Variants in PRKD1 observed in about 807,000 individuals in gnomAD.
PRKD1 encodes the protein serine/threonine-protein kinase D1.
In PRKD1, 63 loss-of-function variants were observed where a neutral mutation model predicts 95.9. The observed-to-expected ratio is 0.66, with a 90% CI of 0.54 to 0.81. The LOEUF (loss-of-function observed/expected upper bound fraction) is 0.81. PRKD1 is among the 30% of genes least tolerant of loss of function. PRKD1 has a pLI of 0.00. For missense variants in PRKD1, 1,048 were observed against 1,165.3 expected, an observed-to-expected ratio of 0.90 and a Z score of 1.47; for synonymous variants, 425 against 423.1, an observed-to-expected ratio of 1.00 and a Z score of -0.05.
intron 4 of PRKD1, among the ~76,000 whole-genome samples, chr14:29,645,573 C>A (rs1453692860): frequency 6.6e-6 from 1 of 152,080 alleles, no homozygotes; most frequent in South Asian, 2.1e-4. Context: ...TCTCCTATTG[C>A]CATCGAGATG....
At chr14:29,888,319 GA>G (rs2139408013) in intron 1 of PRKD1, among the ~76,000 whole-genome samples, 1 of 149,894 alleles carries the variant, frequency 6.7e-6, no homozygotes, top group African/African-American at 2.5e-5. Flanking sequence ...GGAAAGAAAA[GA>G]AAGAAAAGAA....
chr14:29,739,137 A>C (rs1412708449), intron 1 of PRKD1, among the ~76,000 whole-genome samples: 1 of 152,132 alleles, frequency 6.6e-6, no homozygotes, highest in Non-Finnish European at 1.5e-5. Flanking sequence ...TGTGGCCCCA[A>C]TGCTTCTTTT....
At position 29,637,239 on chromosome 14, in the gene PRKD1, T is replaced by C. The variant is rs538120382; in HGVS notation, c.986-745A>G. Among the ~76,000 whole-genome samples the C allele has an allele frequency of 7.9e-4, 120 of 152,340 alleles. 1 individual carries two copies. The highest frequency in any genetic ancestry group is 2.7e-3 in the African/African-American group (113 of 41,572). On this transcript the variant is annotated intron_variant, in intron 6 of 17. Transcript: ENST00000331968. The stretch of plus-strand genomic sequence containing the variant: ...AGATTCAAGCCACTGATTCTTACTA[T>C]TGGAGTAACTTTGAAAATCACGAAT...
At position 29,624,232 on chromosome 14, in the gene PRKD1, C is replaced by T; in HGVS notation, c.1825G>A (p.Val609Ile). Residue 609 changes from valine (V) to isoleucine (I), a missense_variant, in exon 13 of 18, where the codon GTA (valine) becomes ATA (isoleucine). This residue lies in a region of PRKD1 where 739 missense variants were observed against 861.9 expected (regional missense o/e 0.86). Transcript: ENST00000331968. The part of the protein sequence containing the change: ...GGKHRKTGRD[V>I]AIKIIDKLRF... ...AATTTGTCAATGATTTTAATAGCTA[C>T]ATCTCTTCCTGTTTTACGATGTTTT... The T allele has an allele frequency of 1.2e-6, 2 of 1,602,344 alleles. No homozygotes were observed. The highest frequency in any genetic ancestry group is 1.7e-6 in the Non-Finnish European group (2 of 1,174,160).
At chr14:29,645,611 T>G (rs1338789199) in intron 4 of PRKD1, among the ~76,000 whole-genome samples, 1 of 152,158 alleles carries the variant, frequency 6.6e-6, no homozygotes, top group African/African-American at 2.4e-5. Flanking sequence ...AAGTGTTTCC[T>G]GGGGCAAATT....
At chr14:29,707,076 T>C (rs1418838023) in intron 2 of PRKD1, among the ~76,000 whole-genome samples, 4 of 151,788 alleles carry the variant, frequency 2.6e-5, no homozygotes, top group African/African-American at 4.8e-5. Flanking sequence ...TAGAATCGGG[T>C]AGAGTAGGGA....
intron 13 of PRKD1, among the ~76,000 whole-genome samples, chr14:29,609,711 T>TGTC: frequency 3.2e-5 from 1 of 31,042 alleles, no homozygotes; most frequent in Non-Finnish European, 1.1e-4. Flanking sequence ...CAGCTATTTC[T>TGTC]TTATTTTTTT....
intron 1 of PRKD1, among the ~76,000 whole-genome samples, chr14:29,877,406 A>T (rs1371117061): frequency 6.6e-6 from 1 of 152,228 alleles, no homozygotes; most frequent in Non-Finnish European, 1.5e-5. Flanking sequence ...TGTCAGATGC[A>T]TACTTTGCAA....
intron 4 of PRKD1, among the ~76,000 whole-genome samples, chr14:29,647,666 G>C (rs1283491480): frequency 1.3e-5 from 2 of 152,182 alleles, no homozygotes; most frequent in African/African-American, 4.8e-5. Flanking sequence ...CAAGCAGCTG[G>C]GAAAGTATGA....
chr14:29,749,302 G>A (rs1258230427), intron 1 of PRKD1, among the ~76,000 whole-genome samples: 1 of 152,060 alleles, frequency 6.6e-6, no homozygotes, highest in Non-Finnish European at 1.5e-5. Flanking sequence ...AAGAAGTAGG[G>A]AAAAAAGGAG....
intron 1 of PRKD1, among the ~76,000 whole-genome samples, chr14:29,779,817 C>G (rs1165939795): frequency 6.6e-6 from 1 of 152,126 alleles, no homozygotes; most frequent in African/African-American, 2.4e-5. Context: ...CCAAAAAGAG[C>G]CCACATTGCC....
At chr14:29,881,736 C>T (rs1422232283) in intron 1 of PRKD1, among the ~76,000 whole-genome samples, 1 of 152,138 alleles carries the variant, frequency 6.6e-6, no homozygotes, top group African/African-American at 2.4e-5. Context: ...TCTCCCAAAA[C>T]TTCAATAAAT....
chr14:29,667,602 T>G (rs1409151180), intron 2 of PRKD1, among the ~76,000 whole-genome samples: 2 of 152,168 alleles, frequency 1.3e-5, no homozygotes, highest in African/African-American at 4.8e-5. Flanking sequence ...AAGAATAAAT[T>G]CTTTTTAAAA....
intron 1 of PRKD1, among the ~76,000 whole-genome samples, chr14:29,760,684 T>C (rs1887937881): frequency 6.6e-6 from 1 of 152,116 alleles, no homozygotes; most frequent in Non-Finnish European, 1.5e-5. Flanking sequence ...CCAGTTAAAA[T>C]GCATATTAAT....
intron 2 of PRKD1, among the ~76,000 whole-genome samples, chr14:29,719,297 G>T (rs1338063503): frequency 6.6e-6 from 1 of 151,848 alleles, no homozygotes; most frequent in Non-Finnish European, 1.5e-5. Flanking sequence ...GAACCTTCAG[G>T]GTTTTCTTAA....
chr14:29,718,013 C>T (rs1299804947), intron 2 of PRKD1, among the ~76,000 whole-genome samples: 1 of 152,130 alleles, frequency 6.6e-6, no homozygotes, highest in African/African-American at 2.4e-5. Flanking sequence ...GTGCACCAAG[C>T]ACAATATCCC....
intron 4 of PRKD1, chr14:29,652,735 C>T (rs1269605379): frequency 6.6e-6 from 1 of 152,166 alleles, no homozygotes; most frequent in East Asian, 1.9e-4. Context: ...GGAAAAATGA[C>T]TTTTTATTTC....
chr14:29,873,032 C>A (rs1290068084), intron 1 of PRKD1, among the ~76,000 whole-genome samples: 1 of 152,138 alleles, frequency 6.6e-6, no homozygotes, highest in Non-Finnish European at 1.5e-5. Flanking sequence ...AAAGCCTTAA[C>A]AAACACTGCT....
intron 4 of PRKD1, among the ~76,000 whole-genome samples, chr14:29,646,000 C>A (rs1175840929): frequency 1.3e-5 from 2 of 152,126 alleles, no homozygotes; most frequent in African/African-American, 4.8e-5. Context: ...TTCAGGAGGG[C>A]AGCATCTTTA....
Sources: allele counts gnomAD v4.1 joint callset (sites outside exome capture counted in the v4.1 genomes callset), GRCh38; gene constraint gnomAD v4.1.1; regional missense constraint gnomAD v4.1.1; transcripts MANE v1.5; gene names NCBI Gene and HGNC (gene_info 2026-07-23, HGNC 2026-07-21).